The following CORO2A variants were observed in gnomAD, a reference collection of about 807,000 sequenced individuals.
CORO2A encodes the protein coronin-2A.
A neutral mutation model predicts 62.4 loss-of-function variants in CORO2A; 47 were observed. The ratio of observed to expected loss-of-function variants is 0.75; its 90% CI spans 0.60 to 0.96. The LOEUF (loss-of-function observed/expected upper bound fraction) is 0.96. CORO2A is among the 40% of genes least tolerant of loss of function. The pLI is 0.00. For synonymous variants in CORO2A, 273 were observed against 268.9 expected, an observed-to-expected ratio of 1.02 and a Z score of -0.15; for missense variants, 610 against 684.1, an observed-to-expected ratio of 0.89 and a Z score of 1.21.
intron 2 of CORO2A, among the ~76,000 whole-genome samples, chr9:98,156,049 ATTT>A (rs56931336): frequency 8.9e-4 from 106 of 119,036 alleles, no homozygotes; most frequent in African/African-American, 2.6e-3. Flanking sequence ...CTTTGTTTGA[ATTT>A]TTTTTTTTTT....
intron 7 of CORO2A, 45 bp from the exon 8 acceptor site, chr9:98,129,935 A>C: frequency 1.4e-6 from 2 of 1,380,186 alleles, no homozygotes; most frequent in Non-Finnish European, 2.1e-6. Flanking sequence ...TCAGAGCTGG[A>C]GCTCATCAGC....
intron 10 of CORO2A, among the ~76,000 whole-genome samples, chr9:98,127,356 A>T (rs1389713317): frequency 1.3e-5 from 2 of 152,030 alleles, no homozygotes; most frequent in Admixed American, 6.6e-5. Context: ...GGTGGGGGTG[A>T]AGGAAGTTTG....
chr9:98,136,969 T>G (rs2118822520), intron 3 of CORO2A, among the ~76,000 whole-genome samples: 1 of 152,296 alleles, frequency 6.6e-6, no homozygotes, highest in African/African-American at 2.4e-5. Context: ...ATTACAGGTG[T>G]GAGCCACTGA....
intron 1 of CORO2A, among the ~76,000 whole-genome samples, chr9:98,160,288 G>A (rs1171388665): frequency 6.6e-6 from 1 of 152,106 alleles, no homozygotes; most frequent in Non-Finnish European, 1.5e-5. Flanking sequence ...AGCTACAAGA[G>A]AAAAAATAGG....
chr9:98,187,369 G>A (rs1031625591), intron 1 of CORO2A, among the ~76,000 whole-genome samples: 1 of 149,080 alleles, frequency 6.7e-6, no homozygotes, highest in East Asian at 2.0e-4. Flanking sequence ...TGAGATGGGA[G>A]AATCACTTGA....
At position 98,144,858 on chromosome 9, in the gene CORO2A, TCA is replaced by T. The variant is rs1216280575; in HGVS notation, c.202-7172_202-7171del. On this transcript the variant is annotated intron_variant, in intron 2 of 11. Coordinates refer to ENST00000375077, the MANE Select transcript of CORO2A (RefSeq NM_052820.4). ...GTGAGGCTGAGGGCATGGAGTCTAC[TCA>T]CCCTGCCCAGGGTGCAAGGCTGGAC... Among the ~76,000 whole-genome samples the T allele has an allele frequency of 3.9e-5, 6 of 152,104 alleles. No homozygotes were observed. The East Asian group carries it at 1.2e-3, about 29-fold the overall frequency.
chr9:98,164,651 C>A (rs1224322301), intron 1 of CORO2A, among the ~76,000 whole-genome samples: 1 of 152,232 alleles, frequency 6.6e-6, no homozygotes, highest in African/African-American at 2.4e-5. Context: ...TAAACCACCA[C>A]CTCTTGGCAC....
At chr9:98,133,749 T>C (rs1827444335) in intron 4 of CORO2A, among the ~76,000 whole-genome samples, 1 of 151,642 alleles carries the variant, frequency 6.6e-6, no homozygotes, top group Non-Finnish European at 1.5e-5. Flanking sequence ...GTTCCCTCAG[T>C]GCTCCCCACA....
At chr9:98,175,157 G>A (rs1285342830) in intron 1 of CORO2A, among the ~76,000 whole-genome samples, 6 of 152,112 alleles carry the variant, frequency 3.9e-5, no homozygotes, top group East Asian at 3.9e-4. Flanking sequence ...GGTGGGGTGC[G>A]GGATGGCCCT....
intron 2 of CORO2A, among the ~76,000 whole-genome samples, chr9:98,155,418 C>T (rs1246095917): frequency 1.4e-5 from 2 of 144,542 alleles, no homozygotes; most frequent in Non-Finnish European, 3.0e-5. Flanking sequence ...ATGATCTCAG[C>T]TCACTGCAAC....
chr9:98,157,687 T>C (rs1020787783), intron 1 of CORO2A, 27 bp from the exon 2 acceptor site: 1 of 1,593,650 alleles, frequency 6.3e-7, no homozygotes, highest in African/African-American at 1.3e-5. Flanking sequence ...GGACAAAGGG[T>C]ATGAGGCTCA....
intron 2 of CORO2A, among the ~76,000 whole-genome samples, chr9:98,139,045 CAAA>C (rs60779052): frequency 1.7e-4 from 18 of 103,328 alleles, no homozygotes; most frequent in Admixed American, 2.0e-4. Flanking sequence ...GATTCTGTCT[CAAA>C]AAAAAAAAAA....
At chr9:98,149,873 G>A (rs972853333) in intron 2 of CORO2A, among the ~76,000 whole-genome samples, 1 of 152,080 alleles carries the variant, frequency 6.6e-6, no homozygotes, top group African/African-American at 2.4e-5. Flanking sequence ...AAAGCCCAAA[G>A]AGAATCACAC....
At chr9:98,151,054 C>A (rs1588001553) in intron 2 of CORO2A, among the ~76,000 whole-genome samples, 1 of 152,188 alleles carries the variant, frequency 6.6e-6, no homozygotes. Flanking sequence ...TACAGTTGCA[C>A]CTCCATGCCT....
chr9:98,127,972 G>A (rs1228329040), intron 10 of CORO2A, among the ~76,000 whole-genome samples, 198 bp downstream of exon 10: 1 of 152,098 alleles, frequency 6.6e-6, no homozygotes, highest in African/African-American at 2.4e-5. Context: ...GGAGTTTTCT[G>A]AGCTCTTGGG....
intron 1 of CORO2A, among the ~76,000 whole-genome samples, chr9:98,163,743 A>ATGTGTGTGT (rs61124973): frequency 1.8e-5 from 2 of 112,550 alleles, no homozygotes; most frequent in African/African-American, 6.6e-5. Flanking sequence ...TGTGTGTGTG[A>ATGTGTGTGT]GAGAGAGAGA....
intron 2 of CORO2A, among the ~76,000 whole-genome samples, chr9:98,153,649 A>AACAC (rs55685018): frequency 0.11 from 14,768 of 133,796 alleles, 882 homozygotes; most frequent in Middle Eastern, 0.14. Context: ...TCTGTTTCCA[A>AACAC]ACACACACAC....
At chr9:98,156,049 ATTTTTT>A (rs56931336) in intron 2 of CORO2A, among the ~76,000 whole-genome samples, 3 of 119,060 alleles carry the variant, frequency 2.5e-5, no homozygotes, top group South Asian at 2.7e-4. Context: ...CTTTGTTTGA[ATTTTTT>A]TTTTTTTTTT....
In CORO2A at chr9:98,133,095, G is replaced by A. The variant is rs753436636; in HGVS notation, c.591C>T (p.Thr197=). Reference sequence around the variant, plus strand: ...CCCGAATCTTGCGGTCTTTGCAGGTGGTGGCCAACAGGCTGCCGTTGGTGT... The same window carrying A: ...CCCGAATCTTGCGGTCTTTGCAGGTAGTGGCCAACAGGCTGCCGTTGGTGT... ...SFNTNGSLLA[T]TCKDRKIRVI... The change falls in exon 5 of 12, where the codon ACC becomes ACT. Residue 197 remains threonine, a synonymous_variant. Coordinates refer to ENST00000375077, the MANE Select transcript of CORO2A (RefSeq NM_052820.4). The A allele has an allele frequency of 1.2e-6, 2 of 1,614,238 alleles. No individual in the cohort carries two copies. The highest frequency in any genetic ancestry group is 3.3e-5 in the Admixed American group (2 of 60,032).
Sources: gnomAD v4.1 joint callset for allele counts (sites outside exome capture counted in the v4.1 genomes callset) on GRCh38, gnomAD v4.1.1 for gene constraint, MANE v1.5 for transcripts, NCBI Gene and HGNC (gene_info 2026-07-23, HGNC 2026-07-21) for gene names.